The following SDK2 variants were observed in gnomAD, a reference collection of about 807,000 sequenced individuals.
SDK2 encodes sidekick cell adhesion molecule 2, also known as protein sidekick-2.
SDK2 carries 105 observed loss-of-function variants against 253.9 expected under a neutral mutation model. The ratio of observed to expected loss-of-function variants is 0.41; its 90% CI spans 0.35 to 0.49. The LOEUF (loss-of-function observed/expected upper bound fraction) is 0.49, where lower values mean the gene tolerates loss of function less well. Ranked by LOEUF, SDK2 falls within the 20% of genes least tolerant of loss-of-function variation. The pLI is 0.06. For missense variants in SDK2, 2,608 were observed against 3,003.0 expected (o/e 0.87, Z 3.07); for synonymous variants, 1,249 against 1,234.9 (o/e 1.01, Z -0.24).
At chr17:73,392,454 A>G (rs376459422) in intron 27 of SDK2, among the ~76,000 whole-genome samples, 52 of 151,992 alleles carry the variant, frequency 3.4e-4, no homozygotes, top group African/African-American at 1.2e-3. Context: ...TTTTTGGTAG[A>G]GACAGGGTTT....
intron 40 of SDK2, among the ~76,000 whole-genome samples, chr17:73,353,437 C>T (rs372320820): frequency 2.0e-5 from 3 of 152,064 alleles, no homozygotes; most frequent in South Asian, 2.1e-4. Flanking sequence ...TTCTTTGTTT[C>T]GAGACAGAGT....
At chr17:73,369,218 C>T (rs1813247477) in intron 36 of SDK2, 1 of 468,346 alleles carries the variant, frequency 2.1e-6, no homozygotes, top group Admixed American at 2.4e-5. Context: ...GCAAATCCGT[C>T]CTACGGGAGG....
chr17:73,373,649 A>G (rs1423488160), intron 36 of SDK2, among the ~76,000 whole-genome samples: 1 of 152,016 alleles, frequency 6.6e-6, no homozygotes, highest in African/African-American at 2.4e-5. Context: ...TTGACCATTT[A>G]TATATCTTCT....
chr17:73,418,320 A>C (rs2145576816), intron 16 of SDK2, among the ~76,000 whole-genome samples: 2 of 152,272 alleles, frequency 1.3e-5, no homozygotes, highest in Middle Eastern at 3.4e-3. Flanking sequence ...AGATTTTTTT[A>C]AAAGCAAAGG....
At chr17:73,358,682 T>A (rs1264149950) in intron 39 of SDK2, among the ~76,000 whole-genome samples, 1 of 152,032 alleles carries the variant, frequency 6.6e-6, no homozygotes, top group African/African-American at 2.4e-5. Context: ...GGAGCGGGGC[T>A]GAAGAGTCCA....
intron 3 of SDK2, among the ~76,000 whole-genome samples, chr17:73,456,812 G>A: frequency 6.6e-6 from 1 of 152,222 alleles, no homozygotes; most frequent in East Asian, 1.9e-4. Context: ...GCCTGCCGGG[G>A]CGGGACAAGG....
intron 1 of SDK2, among the ~76,000 whole-genome samples, chr17:73,610,952 A>G (rs932173560): frequency 6.6e-6 from 1 of 152,182 alleles, no homozygotes; most frequent in African/African-American, 2.4e-5. Context: ...TCTCAGAATG[A>G]ACACAAGGAT....
At chr17:73,516,225 G>T (rs576703341) in intron 1 of SDK2, among the ~76,000 whole-genome samples, 2 of 152,194 alleles carry the variant, frequency 1.3e-5, no homozygotes, top group Non-Finnish European at 2.9e-5. Flanking sequence ...GGAGCCTGGG[G>T]AGGGGTTGCA....
At chr17:73,600,806 C>T (rs537108429) in intron 1 of SDK2, among the ~76,000 whole-genome samples, 1 of 152,296 alleles carries the variant, frequency 6.6e-6, no homozygotes, top group African/African-American at 2.4e-5. Context: ...GATACCCTTT[C>T]CCTGTCCTTG....
In SDK2 at chr17:73,507,427, G is replaced by A; in HGVS notation, c.224+11C>T. On this transcript the variant is annotated intron_variant, in intron 2 of 44. Coordinates refer to ENST00000392650, the MANE Select transcript of SDK2 (RefSeq NM_001144952.2). ...GGCAGCCAGGAGGAAGGGCGGGGAG[G>A]GGCAGTTTACCTGTATTCCAGGGAG... 6.5e-7 allele frequency: 1 copy of A among 1,547,688 alleles called. No individual in the cohort carries two copies. The highest frequency in any genetic ancestry group is 1.2e-5 in the South Asian group (1 of 83,804).
rs2062834082 is a variant in SDK2, at chr17:73,381,899, ACAAAAAAC to A, written c.4706-957_4706-950del. The stretch of plus-strand genomic sequence containing the variant: ...ACAGAGCAAGACTCTGTCTCAAAAA[ACAAAAAAC>A]AAAAAAACAAAAAACAAAAAACAAA... On this transcript the variant is annotated intron_variant, in intron 33 of 44. Transcript: ENST00000392650. 2.0e-5 allele frequency among the ~76,000 whole-genome samples: 3 copies of A among 150,614 alleles called. No individual in the cohort carries two copies. In the South Asian group the frequency reaches 6.3e-4, roughly 32 times the overall value.
chr17:73,598,994 G>A (rs2045799566), intron 1 of SDK2, among the ~76,000 whole-genome samples: 1 of 152,236 alleles, frequency 6.6e-6, no homozygotes, highest in South Asian at 2.1e-4. Flanking sequence ...ATAGATGAGA[G>A]TGCTGAAGAA....
chr17:73,535,736 C>T (rs1456916986), intron 1 of SDK2, among the ~76,000 whole-genome samples: 1 of 152,140 alleles, frequency 6.6e-6, no homozygotes, highest in Non-Finnish European at 1.5e-5. Flanking sequence ...CCTGCCATCA[C>T]CAAAGTAGGG....
At chr17:73,412,083 T>C (rs367910760) in intron 18 of SDK2, among the ~76,000 whole-genome samples, 33 of 66,950 alleles carry the variant, frequency 4.9e-4, no homozygotes, top group African/African-American at 1.7e-3. Context: ...TATATGTATA[T>C]GTATATATAC....
chr17:73,379,183 C>T lies in SDK2; in HGVS notation c.4974G>A (p.Gly1658=), dbSNP rs374754543. Residue 1658 remains glycine, a synonymous_variant, in exon 36 of 45, where the codon GGG becomes GGA. Transcript: ENST00000392650. The surrounding 1 kb of genome is among the most constrained non-coding windows in gnomAD (Gnocchi z 4.5). ...PLDSQNGDIQ[G]YKIYFWEAQR... ...CTGCCCGAGGGCACCCTACCTTGTACCCCTGGATGTCTCCATTCTGGCTGT... is the reference window on the plus strand; with the variant it reads ...CTGCCCGAGGGCACCCTACCTTGTATCCCTGGATGTCTCCATTCTGGCTGT... The T allele has an allele frequency of 1.9e-6, 3 of 1,555,734 alleles. No homozygotes were observed. Among genetic ancestry groups the T allele is most frequent in the Admixed American group, 1.9e-5 (1 of 51,516 alleles).
chr17:73,525,093 G>A (rs1304427504), intron 1 of SDK2, among the ~76,000 whole-genome samples: 2 of 152,218 alleles, frequency 1.3e-5, no homozygotes, highest in Non-Finnish European at 2.9e-5. Context: ...GGCATGATGA[G>A]GCTCGTCTCT....
At chr17:73,519,540 A>G (rs2064058883) in intron 1 of SDK2, 1 of 151,258 alleles carries the variant, frequency 6.6e-6, no homozygotes, top group African/African-American at 2.4e-5. Context: ...GGTATTTGTT[A>G]AAGGCCTACT....
In SDK2 at chr17:73,405,496, ATATATATATATATATAT is replaced by A. The variant is rs1568385698; in HGVS notation, c.2485-3372_2485-3356del. On this transcript the variant is annotated intron_variant, in intron 18 of 44. Coordinates refer to ENST00000392650, the MANE Select transcript of SDK2 (RefSeq NM_001144952.2). Reference sequence around the variant, plus strand: ...TATATATATATATATATATATATATATATATATATATATATATATATAAAGATCGAGAATGTGGAAAG... The same window carrying A: ...TATATATATATATATATATATATATAATATAAAGATCGAGAATGTGGAAAG... 5.4e-4 allele frequency among the ~76,000 whole-genome samples: 54 copies of A among 100,854 alleles called. 11 individuals carry two copies. The South Asian group carries it at 5.5e-3, about 10-fold the overall frequency. The allele number at this position is 100,854 out of a possible 152,430, so 66.2% of individuals were successfully genotyped here.
intron 2 of SDK2, chr17:73,504,294 AAGAG>A (rs1213617040): frequency 2.2e-5 from 2 of 89,252 alleles, no homozygotes; most frequent in Non-Finnish European, 4.9e-5. Context: ...GAGGGAAAGA[AAGAG>A]AGAGGGAAAG....
Sources: gnomAD v4.1 joint callset for allele counts (sites outside exome capture counted in the v4.1 genomes callset) on GRCh38, gnomAD v4.1.1 for gene constraint, Gnocchi (gnomAD v3.1) non-coding constraint, MANE v1.5 for transcripts, NCBI Gene and HGNC (gene_info 2026-07-23, HGNC 2026-07-21) for gene names.